The following GPR35 variants were observed in gnomAD, a reference collection of about 807,000 sequenced individuals.
The protein encoded by GPR35 is KYNA receptor.
For missense variants in GPR35, 372 were observed against 422.5 expected (o/e 0.88, Z 1.05); for synonymous variants, 207 against 198.4 (o/e 1.04, Z -0.36).
At chr2:240,616,845 G>T (rs999060540) in intron 3 of GPR35, 1 of 711,234 alleles carries the variant, frequency 1.4e-6, no homozygotes, top group African/African-American at 1.7e-5. Context: ...CGCTGGCTCT[G>T]GGGTAGCCAG....
chr2:240,612,158 T>C (rs1246617278), intron 2 of GPR35, among the ~76,000 whole-genome samples: 1 of 151,924 alleles, frequency 6.6e-6, no homozygotes. Context: ...CAACATCTTA[T>C]TAAAACATTT....
chr2:240,621,746 A>C (rs1559436628), upstream of GPR35, among the ~76,000 whole-genome samples: 1 of 152,210 alleles, frequency 6.6e-6, no homozygotes, highest in Admixed American at 6.5e-5. Flanking sequence ...AAGTTGCTCC[A>C]TTACAGAGCA....
chr2:240,624,168 T>C (rs578034602), upstream of GPR35, among the ~76,000 whole-genome samples: 1 of 152,114 alleles, frequency 6.6e-6, no homozygotes, highest in Admixed American at 6.5e-5. Context: ...CTTGGACTGA[T>C]CAGGTGCCGT....
chr2:240,632,418 C>T lies in GPR35; in HGVS notation c.*1536C>T. 6.6e-6 allele frequency among the ~76,000 whole-genome samples: 1 copy of T among 151,528 alleles called. No individual in the cohort carries two copies. The highest frequency in any genetic ancestry group is 2.0e-4 in the East Asian group (1 of 5,104). On this transcript the variant is annotated 3_prime_UTR_variant, in exon 2 of 2. Transcript: ENST00000407714. ...ATTCATGCCTAGGAGGGTTCATGCC[C>T]AGGAGTGTCCCTGCCTAGGAAGATC...
intron 3 of GPR35, chr2:240,616,538 C>G: frequency 1.3e-6 from 1 of 775,178 alleles, no homozygotes; most frequent in South Asian, 1.3e-5. Context: ...TTTGACAAGC[C>G]CACTTCATCA....
chr2:240,612,358 C>T (rs370360458), intron 2 of GPR35, among the ~76,000 whole-genome samples: 6 of 132,010 alleles, frequency 4.5e-5, no homozygotes, highest in South Asian at 2.6e-4. Context: ...ACCCGGGAGG[C>T]GGAGCTTGAA....
chr2:240,622,456 C>A (rs751352525), upstream of GPR35, among the ~76,000 whole-genome samples: 2 of 152,212 alleles, frequency 1.3e-5, no homozygotes, highest in African/African-American at 4.8e-5. Flanking sequence ...TTGGCTTCCC[C>A]GGGCCGCATT....
upstream of GPR35, among the ~76,000 whole-genome samples, chr2:240,622,453 C>T (rs1257102892): frequency 6.6e-6 from 1 of 152,226 alleles, no homozygotes; most frequent in African/African-American, 2.4e-5. Context: ...CTTTTGGCTT[C>T]CCCGGGCCGC....
In GPR35 at chr2:240,612,632, G is replaced by A. The variant is rs2043194673; in HGVS notation, c.-576-3756G>A. 2.6e-5 allele frequency among the ~76,000 whole-genome samples: 4 copies of A among 152,184 alleles called. No individual in the cohort carries two copies. In the South Asian group the frequency reaches 8.3e-4, roughly 31 times the overall value. ...CAGCAGGTGGACCCCGAGGGGGTGT[G>A]AGGAAATGGACTCTGTGAGTGGGAA... On this transcript the variant is annotated intron_variant, in intron 2 of 5. Transcript: ENST00000319838.
At chr2:240,615,094 T>C (rs1355143018) in intron 2 of GPR35, among the ~76,000 whole-genome samples, 4 of 149,504 alleles carry the variant, frequency 2.7e-5, no homozygotes, top group Non-Finnish European at 4.4e-5. Flanking sequence ...CATGTGTCTG[T>C]GTGTGTATGT....
At position 240,630,956 on chromosome 2, in the gene GPR35, C is replaced by T. The variant is rs2043441111; in HGVS notation, c.*74C>T. ...TGCTGCCTGCCAGGGGAAGCTGGAACCAGTAGCAAGGAGCCCGAGATCAGC... is the reference window on the plus strand; with the variant it reads ...TGCTGCCTGCCAGGGGAAGCTGGAATCAGTAGCAAGGAGCCCGAGATCAGC... On this transcript the variant is annotated 3_prime_UTR_variant, in exon 2 of 2. Transcript: ENST00000407714. 1 of 1,331,410 alleles carries T rather than the reference C, an allele frequency of 7.5e-7. No individual in the cohort carries two copies. Among genetic ancestry groups the T allele is most frequent in the Non-Finnish European group, 1.1e-6 (1 of 947,254 alleles). The allele number at this position is 1,331,410 out of a possible 1,614,324, so 82.5% of individuals were successfully genotyped here.
chr2:240,617,681 T>G (rs1243857582), intron 4 of GPR35: 1 of 173,548 alleles, frequency 5.8e-6, no homozygotes, highest in Non-Finnish European at 1.3e-5. Context: ...TCCTGGCATC[T>G]TTCAACAATG....
Position 240,630,624 on chromosome 2 carries a change from G to C in GPR35, c.672G>C (p.Leu224=). 6.2e-7 allele frequency: 1 copy of C among 1,612,896 alleles called. No individual in the cohort carries two copies. Among genetic ancestry groups the C allele is most frequent in the East Asian group, 2.2e-5 (1 of 44,880 alleles). Residue 224 remains leucine, a synonymous_variant, in exon 2 of 2, where the codon CTG becomes CTC. Transcript: ENST00000407714. ...CCCGCATGGTCTGGGCCAACCTCCT[G>C]GTGTTCGTGGTCTGCTTCCTGCCCC... is the stretch of plus-strand genomic sequence containing the variant. ...KAARMVWANL[L]VFVVCFLPLH...
At chr2:240,607,339 C>T (rs1294105086) in intron 2 of GPR35, 1 of 151,986 alleles carries the variant, frequency 6.6e-6, no homozygotes, top group African/African-American at 2.4e-5. Context: ...CAGATCACCA[C>T]ACCTGGCTAA....
intron 5 of GPR35, among the ~76,000 whole-genome samples, chr2:240,619,788 G>A (rs1208275293): frequency 2.6e-5 from 4 of 152,264 alleles, no homozygotes. Flanking sequence ...TCCAGCGGCT[G>A]GCAGGCGGCC....
At position 240,630,407 on chromosome 2, in the gene GPR35, G is replaced by T; in HGVS notation, c.455G>T (p.Trp152Leu). ...GTCATCGGCTCCCTGGTGGCTCGCT[G>T]GCTCCTGGGGATTCAGGAGGGCGGC... ...VLVIGSLVARWLLGIQEGGFC... is the reference protein window; with the variant it reads ...VLVIGSLVARLLLGIQEGGFC... Residue 152 changes from tryptophan to leucine, a missense_variant, in exon 2 of 2, where the codon TGG becomes TTG. Physicochemically the swap from Trp to Leu is moderately conservative, Grantham distance 61. Coordinates refer to ENST00000407714, the MANE Select transcript of GPR35 (RefSeq NM_005301.5). 1 of 1,612,224 alleles carries T rather than the reference G, an allele frequency of 6.2e-7. No individual in the cohort carries two copies.
At position 240,630,982 on chromosome 2, in the gene GPR35, C is replaced by G. The variant is rs2043441461; in HGVS notation, c.*100C>G. ...CAGTAGCAAGGAGCCCGAGATCAGC[C>G]CTGAACTCACTGTGTATTCTCTTGG... On this transcript the variant is annotated 3_prime_UTR_variant, in exon 2 of 2. Coordinates refer to ENST00000407714, the MANE Select transcript of GPR35 (RefSeq NM_005301.5). The G allele has an allele frequency of 3.2e-6, 3 of 945,584 alleles. No homozygotes were observed. The highest frequency in any genetic ancestry group is 4.9e-6 in the Non-Finnish European group (3 of 611,002). 58.6% of individuals were successfully genotyped at this position (945,584 alleles called of 1,614,324 possible).
chr2:240,612,450 G>A lies in GPR35; in HGVS notation c.-576-3938G>A, dbSNP rs2043192208. ...TCAAAAAAAAAAAAAAAAAAAAAAG[G>A]ACTAGGGACTTACTGACTTGGCCAA... is the stretch of plus-strand genomic sequence containing the variant. On this transcript the variant is annotated intron_variant, in intron 2 of 5. Transcript: ENST00000319838. Among the ~76,000 whole-genome samples, 3 of 139,284 alleles carry A rather than the reference G, an allele frequency of 2.2e-5. No individual in the cohort carries two copies. In the South Asian group the frequency reaches 6.9e-4, roughly 32 times the overall value. 91.4% of individuals were successfully genotyped at this position (139,284 alleles called of 152,430 possible). A position where few individuals can be genotyped will look rare whatever the true frequency, so the allele number is the denominator to read the frequency against.
At chr2:240,624,341 T>C (rs1301485707), upstream of GPR35, among the ~76,000 whole-genome samples, 1 of 151,876 alleles carries the variant, frequency 6.6e-6, no homozygotes, top group East Asian at 1.9e-4. Flanking sequence ...GGACTGGGCC[T>C]GGAGGGACAG....
Sources: allele counts gnomAD v4.1 joint callset (sites outside exome capture counted in the v4.1 genomes callset), GRCh38; gene constraint gnomAD v4.1.1; transcripts MANE v1.5; gene names NCBI Gene and HGNC (gene_info 2026-07-23, HGNC 2026-07-21).